The following CCNT1 variants were observed in gnomAD, a reference collection of about 807,000 sequenced individuals.
The protein encoded by CCNT1 is cyclin T1, also known as cyclin-T1.
In CCNT1, 18 loss-of-function variants were observed where a neutral mutation model predicts 67.3. The ratio of observed to expected loss-of-function variants is 0.27; its 90% CI spans 0.18 to 0.40. The LOEUF (loss-of-function observed/expected upper bound fraction) is 0.40, where lower values mean the gene tolerates loss of function less well. Among genes scored for constraint, CCNT1 ranks in the 10% least tolerant of loss-of-function variants. CCNT1 has a pLI of 1.00. For missense variants in CCNT1, 744 were observed against 884.9 expected (o/e 0.84, Z 2.02); for synonymous variants, 333 against 310.3 (o/e 1.07, Z -0.77).
At chr12:48,700,424 C>T (rs796689974) in intron 4 of CCNT1, among the ~76,000 whole-genome samples, 35 of 151,594 alleles carry the variant, frequency 2.3e-4, no homozygotes, top group African/African-American at 7.3e-4. Flanking sequence ...ATTGTGTCTA[C>T]GCCAATAACT....
rs1237469190 is a variant in CCNT1 at position 48,714,527 on chromosome 12, G to T, written c.162-3C>A. The T allele has an allele frequency of 6.3e-7, 1 of 1,598,860 alleles. No individual in the cohort carries two copies. The highest frequency in any genetic ancestry group is 2.2e-5 in the East Asian group (1 of 44,722). On this transcript the variant is annotated splice_region_variant and splice_polypyrimidine_tract_variant and intron_variant, in intron 1 of 8. Coordinates refer to ENST00000261900, the MANE Select transcript of CCNT1 (RefSeq NM_001240.4). Reference sequence around the variant, plus strand: ...CAGTGTTGATAGTCAATTGTGAGCTGAAGTGTTCAAGTTAAGATCCAAAAA... The same window carrying T: ...CAGTGTTGATAGTCAATTGTGAGCTTAAGTGTTCAAGTTAAGATCCAAAAA...
intron 2 of CCNT1, among the ~76,000 whole-genome samples, chr12:48,706,446 G>C (rs1319041633): frequency 2.6e-5 from 4 of 152,072 alleles, no homozygotes; most frequent in African/African-American, 9.7e-5. Context: ...CATTGTACGT[G>C]AATTATATCT....
intron 3 of CCNT1, among the ~76,000 whole-genome samples, chr12:48,704,604 A>T (rs184852978): frequency 2.7e-4 from 41 of 152,312 alleles, no homozygotes; most frequent in Non-Finnish European, 5.1e-4. Flanking sequence ...AGGTCAAGAG[A>T]TCGAGACCAT....
chr12:48,702,128 C>T (rs1940280966), intron 3 of CCNT1, among the ~76,000 whole-genome samples: 1 of 152,026 alleles, frequency 6.6e-6, no homozygotes, highest in South Asian at 2.1e-4. Context: ...AACCCCTGAC[C>T]TCAGGTGATC....
chr12:48,699,067 A>G (rs1487460665), intron 5 of CCNT1, among the ~76,000 whole-genome samples: 1 of 152,252 alleles, frequency 6.6e-6, no homozygotes, highest in East Asian at 1.9e-4. Context: ...AACTTCTTCC[A>G]AAACAAACTG....
rs1397725790 is a variant in CCNT1, at chr12:48,690,652, G to T, written c.*2381C>A. The T allele has an allele frequency of 6.6e-6, 1 of 152,160 alleles. No homozygotes were observed. Among genetic ancestry groups the T allele is most frequent in the Non-Finnish European group, 1.5e-5 (1 of 68,050 alleles). 9.4% of individuals were successfully genotyped at this position (152,160 alleles called of 1,614,324 possible). A position where few individuals can be genotyped will look rare whatever the true frequency, so the allele number is the denominator to read the frequency against. On this transcript the variant is annotated 3_prime_UTR_variant, in exon 9 of 9. Transcript: ENST00000261900. The stretch of plus-strand genomic sequence containing the variant: ...CAATGATCTACTAGTGCAAAGGCCG[G>T]ACTACACGGCACAAAGCAACTCTTA...
Position 48,714,433 on chromosome 12 carries a change from T to G in CCNT1, c.243+10A>C. The G allele has an allele frequency of 6.5e-7, 1 of 1,539,390 alleles. No homozygotes were observed. Among genetic ancestry groups the G allele is most frequent in the South Asian group, 1.1e-5 (1 of 89,334 alleles). On this transcript the variant is annotated intron_variant, in intron 2 of 8. Coordinates refer to ENST00000261900, the MANE Select transcript of CCNT1 (RefSeq NM_001240.4). ...AAAAGGATTATATCATATAAAAAAA[T>G]TATACTTACATTTCCAGGGAACTGT...
At chr12:48,694,708 C>T (rs546172055) in intron 8 of CCNT1, among the ~76,000 whole-genome samples, 2 of 152,282 alleles carry the variant, frequency 1.3e-5, no homozygotes, top group Non-Finnish European at 2.9e-5. Flanking sequence ...ACATCCATGC[C>T]TTCGCTTATG....
Position 48,698,236 on chromosome 12 carries a change from C to T in CCNT1, c.497-53G>A, listed in dbSNP as rs1036899638. ...TGGGGGAGGAAAAAAGTTATTAGTT[C>T]CATTCATTCTCAACAAATATTTAGT... is the stretch of plus-strand genomic sequence containing the variant. On this transcript the variant is annotated intron_variant, in intron 5 of 8. Coordinates refer to ENST00000261900, the MANE Select transcript of CCNT1 (RefSeq NM_001240.4). The T allele has an allele frequency of 8.1e-6, 10 of 1,240,900 alleles. No individual in the cohort carries two copies. In the African/African-American group the frequency reaches 1.4e-4, roughly 17 times the overall value. The allele number at this position is 1,240,900 out of a possible 1,614,324, so 76.9% of individuals were successfully genotyped here.
chr12:48,702,912 A>C (rs1940294443), intron 3 of CCNT1, among the ~76,000 whole-genome samples: 1 of 151,942 alleles, frequency 6.6e-6, no homozygotes, highest in Admixed American at 6.6e-5. Context: ...TTGAAGGCCA[A>C]GAGTTCAAGA....
At position 48,694,153 on chromosome 12, in the gene CCNT1, T is replaced by C. The variant is rs745574547; in HGVS notation, c.1061A>G (p.Asn354Ser). Residue 354 changes from asparagine (N) to serine (S), a missense_variant, in exon 9 of 9, where the codon AAT (asparagine) becomes AGT (serine). By Grantham distance (46) the Asn-to-Ser change is conservative. Around this residue, in one of 3 missense-constraint regions of CCNT1, gnomAD observed 564 missense variants for 574.2 expected, o/e 0.98. Transcript: ENST00000261900. ...ATGATCAACTCCTGTAAGTGCTAAA[T>C]TCTCACTAGTCCGATGACCCTGAGT... ...EPTQGHRTSE[N>S]LALTGVDHSL... is the part of the protein sequence containing the mutation. 5.6e-6 allele frequency: 9 copies of C among 1,614,222 alleles called. No individual in the cohort carries two copies. The highest frequency in any genetic ancestry group is 7.6e-6 in the Non-Finnish European group (9 of 1,180,036).
In CCNT1 at chr12:48,694,059, A is replaced by G. The variant is rs138515839; in HGVS notation, c.1155T>C (p.Ala385=). The change falls in exon 9 of 9, where the codon GCT becomes GCC. Residue 385 remains alanine (A), a synonymous_variant. Coordinates refer to ENST00000261900, the MANE Select transcript of CCNT1 (RefSeq NM_001240.4). ...QKQNSKSVPS[A]KVSLKEYRAK... ...CGCGGTATTCTTTCAGTGACACTTT[A>G]GCTGATGGCACACTCTTACTATTCT... 3.7e-6 allele frequency: 6 copies of G among 1,614,102 alleles called. No homozygotes were observed. In the African/African-American group the frequency reaches 8.0e-5, roughly 22 times the overall value.
intron 4 of CCNT1, 149 bp downstream of exon 4, chr12:48,700,864 A>G (rs1940254274): frequency 1.9e-6 from 1 of 518,126 alleles, no homozygotes; most frequent in Non-Finnish European, 3.5e-6. Flanking sequence ...GGTCAAAGCT[A>G]AACTCAGGTC....
At chr12:48,714,582 C>A in intron 1 of CCNT1, 58 bp from the exon 2 acceptor site, 1 of 983,104 alleles carries the variant, frequency 1.0e-6, no homozygotes, top group Non-Finnish European at 1.6e-6. Flanking sequence ...AAAAGATAAC[C>A]TCTATCTCCC....
At chr12:48,705,572 G>C in intron 3 of CCNT1, 196 bp downstream of exon 3, 1 of 566,556 alleles carries the variant, frequency 1.8e-6, no homozygotes. Context: ...CACCATACCT[G>C]GCCTGATTTT....
rs1449987873 is a variant in CCNT1 at position 48,691,214 on chromosome 12, C to T, written c.*1819G>A. The T allele has an allele frequency of 1.3e-5, 2 of 152,202 alleles. No homozygotes were observed. Among genetic ancestry groups the T allele is most frequent in the Non-Finnish European group, 2.9e-5 (2 of 68,050 alleles). The allele number at this position is 152,202 out of a possible 1,614,324, so 9.4% of individuals were successfully genotyped here. On this transcript the variant is annotated 3_prime_UTR_variant, in exon 9 of 9. Transcript: ENST00000261900. ...ACCGTCAGTTAACGTTTACTCCTGC[C>T]TACAAATTCCTTTCTATATTAGGCC...
chr12:48,706,005 C>CT (rs1839381510), intron 2 of CCNT1, 109 bp from the exon 3 acceptor site: 2 of 1,049,158 alleles, frequency 1.9e-6, no homozygotes, highest in Admixed American at 2.7e-5. Flanking sequence ...CTTGCCTCAA[C>CT]TTTGTCACCT....
At chr12:48,695,480 G>A (rs1201739915) in intron 8 of CCNT1, among the ~76,000 whole-genome samples, 5 of 152,132 alleles carry the variant, frequency 3.3e-5, no homozygotes, top group African/African-American at 1.2e-4. Context: ...GAGAAGCCAT[G>A]TTTTTTCCCT....
At chr12:48,697,115 G>A (rs2137226856) in intron 6 of CCNT1, among the ~76,000 whole-genome samples, 1 of 152,218 alleles carries the variant, frequency 6.6e-6, no homozygotes, top group Non-Finnish European at 1.5e-5. Flanking sequence ...GAGCCACTGT[G>A]CCCAGTCTCA....
Sources: gnomAD v4.1 joint callset for allele counts (sites outside exome capture counted in the v4.1 genomes callset) on GRCh38, gnomAD v4.1.1 for gene constraint, gnomAD v4.1.1 regional missense constraint, MANE v1.5 for transcripts, NCBI Gene and HGNC (gene_info 2026-07-23, HGNC 2026-07-21) for gene names.